The following NT5DC1 variants were observed in gnomAD, a reference collection of about 807,000 sequenced individuals.
The protein encoded by NT5DC1 is 5'-nucleotidase domain-containing protein 1.
Under a neutral mutation model 59.4 loss-of-function variants are expected in NT5DC1, and 42 were observed. The ratio of observed to expected loss-of-function variants is 0.71; its 90% confidence interval spans 0.55 to 0.92. The LOEUF is 0.92. Among genes scored for constraint, NT5DC1 ranks in the 40% least tolerant of loss-of-function variants. The probability of loss-of-function intolerance (pLI) is 0.00; values close to 1 mark genes in which losing one functional copy is unlikely to be tolerated. For missense variants in NT5DC1, 501 were observed against 537.1 expected (o/e 0.93, Z 0.66); for synonymous variants, 172 against 188.1 (o/e 0.91, Z 0.70).
rs2114283577 is a variant in NT5DC1, at chr6:116,120,866, G to A, written c.529+2921G>A. 1 of 1,613,844 alleles carries A rather than the reference G, an allele frequency of 6.2e-7. No individual in the cohort carries two copies. The highest frequency in any genetic ancestry group is 8.5e-7 in the Non-Finnish European group (1 of 1,179,890). On this transcript the variant is annotated intron_variant, in intron 6 of 11. Coordinates refer to ENST00000319550, the MANE Select transcript of NT5DC1 (RefSeq NM_152729.3). ...GCCCACAGGGCCTGGGAGACCAGGAGGTCCTCCAACTCCAGGATCACCTTT... is the reference window on the plus strand; with the variant it reads ...GCCCACAGGGCCTGGGAGACCAGGAAGTCCTCCAACTCCAGGATCACCTTT...
rs772549860 is a variant in NT5DC1 at position 116,121,451 on chromosome 6, C to T, written c.529+3506C>T. 1.2e-5 allele frequency: 20 copies of T among 1,614,110 alleles called. No individual in the cohort carries two copies. In the South Asian group the frequency reaches 2.1e-4, roughly 17 times the overall value. ...CTGTCCTGGAACCCCATTTTCACCT[C>T]TTTTTCCCACTCCAGGAGGGCCAGA... On this transcript the variant is annotated intron_variant, in intron 6 of 11. Coordinates refer to ENST00000319550, the MANE Select transcript of NT5DC1 (RefSeq NM_152729.3).
intron 3 of NT5DC1, among the ~76,000 whole-genome samples, chr6:116,110,165 G>T (rs1244340637): frequency 1.3e-5 from 2 of 152,242 alleles, no homozygotes; most frequent in African/African-American, 2.4e-5. Flanking sequence ...AACTGAAACT[G>T]TGGGAGAGCA....
At chr6:116,219,961 CA>C (rs1170500016) in intron 6 of NT5DC1, among the ~76,000 whole-genome samples, 52 of 36,260 alleles carry the variant, frequency 1.4e-3, no homozygotes, top group African/African-American at 4.7e-3. Context: ...GACTCTGTCT[CA>C]AAAAAAAAAA....
chr6:116,148,123 A>G (rs1779945149), intron 6 of NT5DC1, among the ~76,000 whole-genome samples: 1 of 152,208 alleles, frequency 6.6e-6, no homozygotes, highest in Non-Finnish European at 1.5e-5. Context: ...CATAATTGAT[A>G]TGTATGTAAC....
intron 1 of NT5DC1, among the ~76,000 whole-genome samples, chr6:116,101,406 C>T (rs1330366219): frequency 6.6e-6 from 1 of 152,130 alleles, no homozygotes; most frequent in Non-Finnish European, 1.5e-5. Flanking sequence ...TTTCTGGACA[C>T]CAGCTGATTG....
chr6:116,152,571 G>A (rs1780072011), intron 6 of NT5DC1, among the ~76,000 whole-genome samples: 1 of 152,082 alleles, frequency 6.6e-6, no homozygotes, highest in African/African-American at 2.4e-5. Flanking sequence ...TATCTCACAT[G>A]GGACTTTCAT....
intron 4 of NT5DC1, among the ~76,000 whole-genome samples, chr6:116,115,007 C>G (rs1778938579): frequency 1.3e-5 from 2 of 152,146 alleles, no homozygotes; most frequent in African/African-American, 4.8e-5. Flanking sequence ...TGACATGGGT[C>G]ATCAAAAGTG....
rs760982462 is a variant in NT5DC1, at chr6:116,121,956, C to G, written c.529+4011C>G. 1.6e-5 allele frequency: 25 copies of G among 1,611,964 alleles called. 1 individual carries two copies. The South Asian group carries it at 2.7e-4, about 18-fold the overall frequency. On this transcript the variant is annotated intron_variant, in intron 6 of 11. Transcript: ENST00000319550. ...GGAGTACCTTGCTCTCCTCTTACTG[C>G]TATACCTAAAAGACACACCCAACAC...
rs1231176904 is a variant in NT5DC1 at position 116,244,054 on chromosome 6, C to T, written c.*30C>T. On this transcript the variant is annotated 3_prime_UTR_variant, in exon 12 of 12. Coordinates refer to ENST00000319550, the MANE Select transcript of NT5DC1 (RefSeq NM_152729.3). Reference sequence around the variant, plus strand: ...TCTTTACTGAAAAATGAAGTGAAGACCCATATATGCAGTTAAAAAAAAGTT... The same window carrying T: ...TCTTTACTGAAAAATGAAGTGAAGATCCATATATGCAGTTAAAAAAAAGTT... 2 of 838,280 alleles carry T rather than the reference C, an allele frequency of 2.4e-6. No homozygotes were observed. Among genetic ancestry groups the T allele is most frequent in the African/African-American group, 1.7e-5 (1 of 57,592 alleles). The allele number at this position is 838,280 out of a possible 1,614,324, so 51.9% of individuals were successfully genotyped here.
At chr6:116,121,797 T>A (rs1277355849) in intron 6 of NT5DC1, 1 of 1,613,476 alleles carries the variant, frequency 6.2e-7, no homozygotes, top group Non-Finnish European at 8.5e-7. Flanking sequence ...ACACCTGGTT[T>A]CCCTACAGCT....
rs1002867872 is a variant in NT5DC1, at chr6:116,217,747, G to A, written c.530-3307G>A. Among the ~76,000 whole-genome samples the A allele has an allele frequency of 2.2e-4, 33 of 151,998 alleles. 1 individual carries two copies. Among genetic ancestry groups the A allele is most frequent in the African/African-American group, 8.0e-4 (33 of 41,378 alleles). On this transcript the variant is annotated intron_variant, in intron 6 of 11. Coordinates refer to ENST00000319550, the MANE Select transcript of NT5DC1 (RefSeq NM_152729.3). The stretch of plus-strand genomic sequence containing the variant: ...TTAGGTATTCATATGTTGAATACTT[G>A]CTCCATGCCAAGCAGAAAGATATAT...
intron 6 of NT5DC1, among the ~76,000 whole-genome samples, chr6:116,159,710 C>T (rs1228560661): frequency 6.6e-6 from 1 of 152,098 alleles, no homozygotes; most frequent in Non-Finnish European, 1.5e-5. Context: ...TTTTGGGTTT[C>T]TAGTGAACCC....
chr6:116,179,642 A>C (rs1780831626), intron 6 of NT5DC1, among the ~76,000 whole-genome samples: 1 of 152,152 alleles, frequency 6.6e-6, no homozygotes, highest in Admixed American at 6.6e-5. Flanking sequence ...CAGTGTTATC[A>C]AAAAGAATAA....
At chr6:116,121,305 C>T (rs1779115525) in intron 6 of NT5DC1, 2 of 1,614,080 alleles carry the variant, frequency 1.2e-6, no homozygotes, top group South Asian at 1.1e-5. Context: ...TGGCCTGGGG[C>T]TCCAGCAGCT....
chr6:116,135,419 C>G (rs56091733), intron 6 of NT5DC1, among the ~76,000 whole-genome samples: 3 of 151,856 alleles, frequency 2.0e-5, no homozygotes, highest in African/African-American at 7.3e-5. Flanking sequence ...CCGCCCCCCC[C>G]ACCTTTTTAT....
intron 6 of NT5DC1, among the ~76,000 whole-genome samples, chr6:116,171,357 T>C (rs1780603150): frequency 6.6e-6 from 1 of 152,126 alleles, no homozygotes; most frequent in Admixed American, 6.5e-5. Flanking sequence ...GACCAGGAAT[T>C]ATAAATAGAC....
chr6:116,121,393 T>G, intron 6 of NT5DC1: 1 of 1,614,030 alleles, frequency 6.2e-7, no homozygotes, highest in Non-Finnish European at 8.5e-7. Context: ...GTCCCATTTC[T>G]CCCGGAAAAC....
At chr6:116,220,657 G>A (rs541404417) in intron 6 of NT5DC1, among the ~76,000 whole-genome samples, 12 of 152,266 alleles carry the variant, frequency 7.9e-5, no homozygotes, top group Non-Finnish European at 1.6e-4. Context: ...CAATATCTGA[G>A]TGTTGATTTG....
chr6:116,181,992 C>G (rs1780883296), intron 6 of NT5DC1, among the ~76,000 whole-genome samples: 1 of 151,808 alleles, frequency 6.6e-6, no homozygotes, highest in African/African-American at 2.4e-5. Context: ...TACACTATAC[C>G]CAGTGTATAG....
Sources: allele counts gnomAD v4.1 joint callset (sites outside exome capture counted in the v4.1 genomes callset), GRCh38; gene constraint gnomAD v4.1.1; transcripts MANE v1.5; gene names NCBI Gene and HGNC (gene_info 2026-07-23, HGNC 2026-07-21).